PTPRG: variants seen among roughly 807,000 people sequenced by gnomAD.
The protein encoded by PTPRG is receptor-type tyrosine-protein phosphatase gamma.
PTPRG carries 102 observed loss-of-function variants against 165.3 expected under a neutral mutation model. The observed-to-expected ratio is 0.62, with a 90% CI of 0.53 to 0.73. The LOEUF is 0.73. Ranked by LOEUF, PTPRG falls within the 30% of genes least tolerant of loss-of-function variation. The pLI, the probability that PTPRG is intolerant of heterozygous loss-of-function variation, is 0.00. For synonymous variants in PTPRG, 675 were observed against 669.5 expected (o/e 1.01, Z -0.13); for missense variants, 1,866 against 1,861.4 (o/e 1.00, Z -0.05).
intron 2 of PTPRG, among the ~76,000 whole-genome samples, chr3:61,813,349 G>GA (rs1009857058): frequency 3.2e-5 from 4 of 123,872 alleles, no homozygotes; most frequent in South Asian, 2.9e-4. Context: ...AAAAAAAATA[G>GA]AAAAAAAATA....
intron 10 of PTPRG, among the ~76,000 whole-genome samples, chr3:62,198,637 A>T (rs535533817): frequency 6.6e-6 from 1 of 152,242 alleles, no homozygotes; most frequent in East Asian, 1.9e-4. Context: ...TTGTCAAAAT[A>T]TTTTAAACAC....
Position 61,994,000 on chromosome 3 carries a change from C to A in PTPRG, c.370+4196C>A, listed in dbSNP as rs539339210. Among the ~76,000 whole-genome samples, 3 of 152,310 alleles carry A rather than the reference C, an allele frequency of 2.0e-5. No individual in the cohort carries two copies. In the South Asian group the frequency reaches 6.2e-4, roughly 32 times the overall value. ...AATCAATAGAGCAACTTGGTTGTAC[C>A]TAGCCCACTTCTCGAAAGTTGTCTA... On this transcript the variant is annotated intron_variant, in intron 3 of 29. Coordinates refer to ENST00000474889, the MANE Select transcript of PTPRG (RefSeq NM_002841.4).
rs1274390435 is a variant in PTPRG, at chr3:61,633,850, C to T, written c.85+71478C>T. Among the ~76,000 whole-genome samples, 7 of 150,044 alleles carry T rather than the reference C, an allele frequency of 4.7e-5. No individual in the cohort carries two copies. The East Asian group carries it at 1.2e-3, about 25-fold the overall frequency. On this transcript the variant is annotated intron_variant, in intron 1 of 29. Transcript: ENST00000474889. The stretch of plus-strand genomic sequence containing the variant: ...TAGCTGTGAGTTTCTAATAGATACC[C>T]TTTTTCAGGTTGAGGAAGTTCTCTG...
At chr3:62,130,239 A>G (rs1186387092) in intron 5 of PTPRG, among the ~76,000 whole-genome samples, 2 of 152,312 alleles carry the variant, frequency 1.3e-5, no homozygotes, top group African/African-American at 2.4e-5. Flanking sequence ...AGGACTACCT[A>G]TGTCTACTCC....
At chr3:61,678,076 C>G (rs1703298820) in intron 1 of PTPRG, among the ~76,000 whole-genome samples, 1 of 152,120 alleles carries the variant, frequency 6.6e-6, no homozygotes, top group African/African-American at 2.4e-5. Flanking sequence ...CATCATTAGA[C>G]AAACAGTGCC....
intron 2 of PTPRG, among the ~76,000 whole-genome samples, chr3:61,763,346 T>A (rs1419601295): frequency 8.6e-5 from 13 of 151,994 alleles, no homozygotes; most frequent in Non-Finnish European, 1.5e-4. Flanking sequence ...CAAGTGTCTC[T>A]CCTGCCTCAG....
intron 4 of PTPRG, among the ~76,000 whole-genome samples, chr3:62,052,266 T>G (rs1190949576): frequency 6.6e-6 from 1 of 152,252 alleles, no homozygotes; most frequent in African/African-American, 2.4e-5. Context: ...TGTGATTGTT[T>G]TAGGATGAAT....
chr3:62,218,043 G>C (rs1325495878), intron 12 of PTPRG, among the ~76,000 whole-genome samples: 1 of 152,164 alleles, frequency 6.6e-6, no homozygotes, highest in African/African-American at 2.4e-5. Context: ...GTAGGTGATA[G>C]GATCAAAGGA....
intron 2 of PTPRG, among the ~76,000 whole-genome samples, chr3:61,754,841 A>G (rs1242437188): frequency 2.0e-5 from 3 of 152,220 alleles, no homozygotes; most frequent in Non-Finnish European, 4.4e-5. Flanking sequence ...AGCTTTTGTC[A>G]TTAGAAGAAT....
intron 6 of PTPRG, among the ~76,000 whole-genome samples, chr3:62,154,451 A>G (rs940699584): frequency 3.3e-5 from 5 of 152,186 alleles, no homozygotes; most frequent in African/African-American, 1.2e-4. Context: ...TTGAGTTTGC[A>G]GCAGGGGTCA....
chr3:62,092,558 A>G (rs550066380), intron 5 of PTPRG, among the ~76,000 whole-genome samples: 74 of 152,234 alleles, frequency 4.9e-4, no homozygotes, highest in African/African-American at 1.8e-3. Flanking sequence ...CAGCTTGGTG[A>G]AGAAAATGGA....
chr3:62,243,964 G>C, intron 15 of PTPRG, 66 bp downstream of exon 15: 2 of 999,538 alleles, frequency 2.0e-6, no homozygotes, highest in Non-Finnish European at 3.0e-6. Context: ...TCAGTTTTAT[G>C]TGATAAAACA....
chr3:62,024,663 T>A (rs2041767721), intron 4 of PTPRG, among the ~76,000 whole-genome samples: 1 of 152,228 alleles, frequency 6.6e-6, no homozygotes, highest in African/African-American at 2.4e-5. Context: ...ATGTCACCCT[T>A]TCTTACCAAG....
chr3:61,972,340 A>T (rs1249219155), intron 2 of PTPRG, among the ~76,000 whole-genome samples: 1 of 152,210 alleles, frequency 6.6e-6, no homozygotes, highest in Non-Finnish European at 1.5e-5. Flanking sequence ...CCAGATGTGT[A>T]GGGCCTTATA....
chr3:61,861,574 A>G (rs1349403876), intron 2 of PTPRG, among the ~76,000 whole-genome samples: 1 of 152,230 alleles, frequency 6.6e-6, no homozygotes, highest in Non-Finnish European at 1.5e-5. Flanking sequence ...TTGTTTATGC[A>G]GAAAGTACTG....
At chr3:61,896,963 T>G (rs555350932) in intron 2 of PTPRG, among the ~76,000 whole-genome samples, 2 of 152,060 alleles carry the variant, frequency 1.3e-5, no homozygotes, top group African/African-American at 4.8e-5. Context: ...TTTTAATATA[T>G]TCTGAATACT....
intron 2 of PTPRG, among the ~76,000 whole-genome samples, chr3:61,765,327 C>T (rs1411136313): frequency 6.6e-6 from 1 of 152,188 alleles, no homozygotes; most frequent in Non-Finnish European, 1.5e-5. Context: ...CGTAATGTCA[C>T]ATGGAGGTGA....
intron 5 of PTPRG, among the ~76,000 whole-genome samples, chr3:62,125,274 A>G (rs1372335860): frequency 2.6e-5 from 4 of 152,220 alleles, no homozygotes; most frequent in South Asian, 2.1e-4. Context: ...AGAAGGATCA[A>G]CCTGGCAACC....
chr3:61,567,512 TAATAAA>T (rs1251513848), intron 1 of PTPRG, among the ~76,000 whole-genome samples: 2 of 149,970 alleles, frequency 1.3e-5, no homozygotes, highest in African/African-American at 4.9e-5. Context: ...CCTCTACAGA[TAATAAA>T]AGAAAAATTA....
Sources: gnomAD v4.1 joint callset for allele counts (sites outside exome capture counted in the v4.1 genomes callset) on GRCh38, gnomAD v4.1.1 for gene constraint, MANE v1.5 for transcripts, NCBI Gene and HGNC (gene_info 2026-07-23, HGNC 2026-07-21) for gene names.